SERINC2: variants seen among roughly 807,000 people sequenced by gnomAD.
SERINC2 encodes the protein serine incorporator 2.
SERINC2 carries 56 observed loss-of-function variants against 54.2 expected under a neutral mutation model. The observed-to-expected ratio is 1.03, with a 90% CI of 0.83 to 1.29. The LOEUF (loss-of-function observed/expected upper bound fraction) is 1.29, where lower values mean the gene tolerates loss of function less well. Among genes scored for constraint, SERINC2 ranks in the 50% most tolerant of loss-of-function variants. The pLI is 0.00. For missense variants in SERINC2, 614 were observed against 607.4 expected (o/e 1.01, Z -0.12); for synonymous variants, 272 against 253.1 (o/e 1.07, Z -0.71).
chr1:31,425,369 C>A lies in SERINC2; in HGVS notation c.432C>A (p.Thr144=). The change falls in exon 4 of 10, where the codon ACC becomes ACA. Residue 144 remains threonine (T), a synonymous_variant. Coordinates refer to ENST00000373709, the MANE Select transcript of SERINC2 (RefSeq NM_178865.5). ...AGTTCCTGATCCTGGTGGGCCTCAC[C>A]GTGGGTGCCTTCTACATTCCTGACG... is the stretch of plus-strand genomic sequence containing the variant. ...FFKFLILVGL[T]VGAFYIPDGS... is the part of the protein sequence containing the mutation. 1 of 1,613,386 alleles carries A rather than the reference C, an allele frequency of 6.2e-7. No individual in the cohort carries two copies. The highest frequency in any genetic ancestry group is 8.5e-7 in the Non-Finnish European group (1 of 1,179,322).
intron 2 of SERINC2, among the ~76,000 whole-genome samples, chr1:31,424,446 A>G (rs1317251): frequency 0.45 from 68,244 of 152,096 alleles, 17,256 homozygotes; most frequent in Non-Finnish European, 0.57. Flanking sequence ...GAAATAAACA[A>G]TAACAAGATG....
intron 8 of SERINC2, among the ~76,000 whole-genome samples, chr1:31,431,794 G>GTT (rs1557499784): frequency 1.9e-4 from 28 of 146,610 alleles, no homozygotes; most frequent in Admixed American, 2.7e-4. Context: ...GGATAGGGTG[G>GTT]ATAGGGTGGA....
In SERINC2 at chr1:31,426,778, C is replaced by T; in HGVS notation, c.735C>T (p.Thr245=). ...AGGTCTTCATCAGCCTCAACCTCACCTTCTGTGTCTGCGTGTCCATCGCTG... is the reference window on the plus strand; with the variant it reads ...AGGTCTTCATCAGCCTCAACCTCACTTTCTGTGTCTGCGTGTCCATCGCTG... ...EGKVFISLNL[T]FCVCVSIAAV... is the part of the protein sequence containing the mutation. Residue 245 remains threonine, a synonymous_variant, in exon 6 of 10, where the codon ACC becomes ACT. Coordinates refer to ENST00000373709, the MANE Select transcript of SERINC2 (RefSeq NM_178865.5). 6.2e-7 allele frequency: 1 copy of T among 1,614,118 alleles called. No individual in the cohort carries two copies. The highest frequency in any genetic ancestry group is 8.5e-7 in the Non-Finnish European group (1 of 1,180,002).
intron 1 of SERINC2, among the ~76,000 whole-genome samples, chr1:31,416,304 A>G (rs1640780632): frequency 6.6e-6 from 1 of 152,230 alleles, no homozygotes; most frequent in Non-Finnish European, 1.5e-5. Context: ...TGCTGAAGCC[A>G]GTGAGACCCA....
intron 1 of SERINC2, chr1:31,414,720 T>A (rs1216054595): frequency 1.0e-6 from 1 of 985,314 alleles, no homozygotes; most frequent in Non-Finnish European, 1.2e-6. Flanking sequence ...AAGGGTTTGC[T>A]TCCTGGTGAG....
intron 8 of SERINC2, among the ~76,000 whole-genome samples, chr1:31,432,332 T>A (rs1449578668): frequency 6.6e-6 from 1 of 151,830 alleles, no homozygotes; most frequent in Admixed American, 6.6e-5. Context: ...CGTGAGTTGG[T>A]TTTTCAAAAA....
intron 7 of SERINC2, 83 bp from the exon 8 acceptor site, chr1:31,429,314 T>A (rs782310016): frequency 4.7e-6 from 7 of 1,500,402 alleles, no homozygotes; most frequent in Non-Finnish European, 6.3e-6. Flanking sequence ...CTATTAGGGG[T>A]GGCTCTCTAG....
rs1381423183 is a variant in SERINC2, at chr1:31,413,259, C to T, written c.-7C>T. On this transcript the variant is annotated 5_prime_UTR_variant, in exon 1 of 10. Transcript: ENST00000373709. The surrounding 1 kb of genome is among the most constrained non-coding windows in gnomAD (Gnocchi z 5.0). ...GCGCCGGGCGCCCGAAGCCGGGAGCCGCCGCCATGGGGGCCTGCCTGGGAG... is the reference window on the plus strand; with the variant it reads ...GCGCCGGGCGCCCGAAGCCGGGAGCTGCCGCCATGGGGGCCTGCCTGGGAG... The T allele has an allele frequency of 1.7e-5, 21 of 1,223,608 alleles. No homozygotes were observed. In the East Asian group the frequency reaches 3.8e-4, roughly 22 times the overall value. The allele number at this position is 1,223,608 out of a possible 1,614,324, so 75.8% of individuals were successfully genotyped here. A position where few individuals can be genotyped will look rare whatever the true frequency, so the allele number is the denominator to read the frequency against.
chr1:31,434,368 G>A lies in SERINC2; in HGVS notation c.*169G>A. 1.5e-6 allele frequency: 1 copy of A among 649,944 alleles called. No individual in the cohort carries two copies. The allele number at this position is 649,944 out of a possible 1,614,324, so 40.3% of individuals were successfully genotyped here. A position where few individuals can be genotyped will look rare whatever the true frequency, so the allele number is the denominator to read the frequency against. ...GGCCTTCTAGTCGTAGTGCCTTCAG[G>A]GTCCGAGGAGCATCAGGCTCCTGCA... On this transcript the variant is annotated 3_prime_UTR_variant, in exon 10 of 10. Transcript: ENST00000373709.
chr1:31,428,866 G>A, intron 6 of SERINC2, 112 bp from the exon 7 acceptor site: 1 of 805,302 alleles, frequency 1.2e-6, no homozygotes, highest in East Asian at 2.4e-5. Flanking sequence ...GGGTGTGGTG[G>A]GGTATCCTAG....
At chr1:31,411,335 G>T (rs1372821637), upstream of SERINC2, among the ~76,000 whole-genome samples, 3 of 152,314 alleles carry the variant, frequency 2.0e-5, no homozygotes, top group East Asian at 5.8e-4. Flanking sequence ...TTCAGCAATA[G>T]TAACAACAAC....
chr1:31,432,132 G>C, intron 8 of SERINC2, among the ~76,000 whole-genome samples: 1 of 128,024 alleles, frequency 7.8e-6, no homozygotes, highest in South Asian at 2.6e-4. Flanking sequence ...GGGTGGATAG[G>C]GTGGACAGGG....
chr1:31,424,805 CTTCT>C lies in SERINC2; in HGVS notation c.327_330del (p.Phe110SerfsTer8). The C allele has an allele frequency of 3.1e-6, 5 of 1,612,206 alleles. No homozygotes were observed. Among genetic ancestry groups the C allele is most frequent in the Non-Finnish European group, 4.2e-6 (5 of 1,179,546 alleles). ...TGTGCTTCGCCACGGCGGCCTTCTTCTTCTTTTTCACCCTGCTCATGCTCTGCGT... is the reference window on the plus strand; with the variant it reads ...TGTGCTTCGCCACGGCGGCCTTCTTCTTTTCACCCTGCTCATGCTCTGCGT... On this transcript the variant is annotated frameshift_variant, in exon 3 of 10. Coordinates refer to ENST00000373709, the MANE Select transcript of SERINC2 (RefSeq NM_178865.5). LOFTEE classifies it high-confidence loss of function.
chr1:31,425,704 C>A, intron 4 of SERINC2, 72 bp from the exon 5 acceptor site: 1 of 1,548,646 alleles, frequency 6.5e-7, no homozygotes, highest in Non-Finnish European at 8.8e-7. Flanking sequence ...CAGGGTGTAG[C>A]AGAAAACGCT....
At position 31,428,964 on chromosome 1, in the gene SERINC2, G is replaced by T; in HGVS notation, c.781-14G>T. ...CTGGTCTGGCAGGGGTCTTACCAGG[G>T]GTCCTCTTGCCAGGACGCCCAGCCC... On this transcript the variant is annotated splice_polypyrimidine_tract_variant and intron_variant, in intron 6 of 9. Coordinates refer to ENST00000373709, the MANE Select transcript of SERINC2 (RefSeq NM_178865.5). The T allele has an allele frequency of 6.2e-7, 1 of 1,611,400 alleles. No individual in the cohort carries two copies. Among genetic ancestry groups the T allele is most frequent in the Non-Finnish European group, 8.5e-7 (1 of 1,177,802 alleles).
At chr1:31,427,098 G>A (rs1220135411) in intron 6 of SERINC2, among the ~76,000 whole-genome samples, 1 of 152,156 alleles carries the variant, frequency 6.6e-6, no homozygotes, top group African/African-American at 2.4e-5. Flanking sequence ...GATCCTATTT[G>A]TAAACACTCC....
intron 8 of SERINC2, among the ~76,000 whole-genome samples, chr1:31,431,800 G>A (rs1279033924): frequency 0.024 from 3,207 of 132,696 alleles, 39 homozygotes; most frequent in East Asian, 0.15. Flanking sequence ...GGTGGATAGG[G>A]TGGACAGGGT....
Position 31,413,871 on chromosome 1 carries a change from T to C in SERINC2, c.39+567T>C. The C allele has an allele frequency of 6.9e-7, 1 of 1,439,516 alleles. No homozygotes were observed. The highest frequency in any genetic ancestry group is 9.1e-7 in the Non-Finnish European group (1 of 1,103,174). 89.2% of individuals were successfully genotyped at this position (1,439,516 alleles called of 1,614,324 possible). On this transcript the variant is annotated intron_variant, in intron 1 of 9. Coordinates refer to ENST00000373709, the MANE Select transcript of SERINC2 (RefSeq NM_178865.5). This position sits in a 1 kb window ranked among gnomAD's most constrained non-coding sequence, Gnocchi z 5.0. ...CGTCCGACTGTCTTTGTCCGTCTGC[T>C]GTCTTCTGTCCGTCTGCCCGTCCGC...
At chr1:31,414,738 G>A (rs1183131190) in intron 1 of SERINC2, 3 of 985,362 alleles carry the variant, frequency 3.0e-6, no homozygotes, top group Non-Finnish European at 3.6e-6. Flanking sequence ...GAGGGAGGCA[G>A]AGCTTCCACA....
Sources: allele counts gnomAD v4.1 joint callset (sites outside exome capture counted in the v4.1 genomes callset), GRCh38; gene constraint gnomAD v4.1.1; non-coding constraint Gnocchi (gnomAD v3.1); transcripts MANE v1.5; gene names NCBI Gene and HGNC (gene_info 2026-07-23, HGNC 2026-07-21).